The following DENND1B variants were observed in gnomAD, a reference collection of about 807,000 sequenced individuals.
The protein encoded by DENND1B is DENN domain containing 1B, also known as DENN domain-containing protein 1B.
A neutral mutation model predicts 90.1 loss-of-function variants in DENND1B; 59 were observed. The ratio of observed to expected loss-of-function variants is 0.65; its 90% CI spans 0.53 to 0.81. The LOEUF (loss-of-function observed/expected upper bound fraction) is 0.81. DENND1B is among the 40% of genes least tolerant of loss of function. The pLI is 0.00. For synonymous variants in DENND1B, 337 were observed against 324.6 expected, an observed-to-expected ratio of 1.04 and a Z score of -0.41; for missense variants, 862 against 912.6, an observed-to-expected ratio of 0.94 and a Z score of 0.71.
intron 10 of DENND1B, among the ~76,000 whole-genome samples, chr1:197,624,515 T>C (rs1678472396): frequency 6.6e-6 from 1 of 151,816 alleles, no homozygotes. Context: ...GGCTTGGCAA[T>C]GACTTTTAGA....
chr1:197,640,026 A>G (rs1017364261), intron 10 of DENND1B, among the ~76,000 whole-genome samples: 1 of 152,202 alleles, frequency 6.6e-6, no homozygotes, highest in African/African-American at 2.4e-5. Flanking sequence ...GAATTGTCAT[A>G]AACAGTTGAT....
At chr1:197,773,098 G>A in intron 1 of DENND1B, 166 bp from the exon 2 acceptor site, 5 of 665,762 alleles carry the variant, frequency 7.5e-6, no homozygotes, top group Non-Finnish European at 1.3e-5. Flanking sequence ...TCTCAATTGA[G>A]CAACTTAAAA....
intron 2 of DENND1B, among the ~76,000 whole-genome samples, chr1:197,762,298 G>A (rs370058743): frequency 6.0e-5 from 9 of 150,496 alleles, no homozygotes; most frequent in African/African-American, 2.0e-4. Flanking sequence ...ACGGAGTCTC[G>A]CTCTGTCGCC....
In DENND1B at chr1:197,572,248, C is replaced by T. The variant is rs538227152; in HGVS notation, c.1149+10904G>A. On this transcript the variant is annotated intron_variant, in intron 15 of 22. Coordinates refer to ENST00000620048, the MANE Select transcript of DENND1B (RefSeq NM_001195215.2). ...CTTTTCCCATGGTCTTAGCAATCAG[C>T]AGACCAGGAGAGTCTCTTCTGTGCC... Among the ~76,000 whole-genome samples the T allele has an allele frequency of 3.9e-5, 6 of 152,266 alleles. No homozygotes were observed. In the South Asian group the frequency reaches 1.2e-3, roughly 32 times the overall value.
rs1281679260 is a variant in DENND1B, at chr1:197,504,885, A to T, written c.*5575T>A. On this transcript the variant is annotated 3_prime_UTR_variant, in exon 23 of 23. Transcript: ENST00000620048. The stretch of plus-strand genomic sequence containing the variant: ...CTTTTATACACATCTTCCCAATAGT[A>T]GTCAAGTTTGGAGATGATTTATACT... The T allele has an allele frequency of 6.6e-6, 1 of 151,854 alleles. No homozygotes were observed. The highest frequency in any genetic ancestry group is 1.5e-5 in the Non-Finnish European group (1 of 67,866). 9.4% of individuals were successfully genotyped at this position (151,854 alleles called of 1,614,324 possible). A position where few individuals can be genotyped will look rare whatever the true frequency, so the allele number is the denominator to read the frequency against.
At chr1:197,617,588 T>A in intron 11 of DENND1B, 71 bp downstream of exon 11, 1 of 1,091,810 alleles carries the variant, frequency 9.2e-7, no homozygotes, top group South Asian at 1.3e-5. Flanking sequence ...CAAGTTTACC[T>A]AGTTCACAAA....
intron 3 of DENND1B, among the ~76,000 whole-genome samples, chr1:197,681,555 G>T (rs564255237): frequency 1.3e-5 from 2 of 152,252 alleles, no homozygotes; most frequent in Non-Finnish European, 2.9e-5. Flanking sequence ...GTATTTATTG[G>T]TCTCATCTAC....
In DENND1B at chr1:197,597,765, A is replaced by G. The variant is rs924438874; in HGVS notation, c.922-2432T>C. Among the ~76,000 whole-genome samples, 29 of 151,988 alleles carry G rather than the reference A, an allele frequency of 1.9e-4. 1 individual carries two copies. Among genetic ancestry groups the G allele is most frequent in the African/African-American group, 6.0e-4 (25 of 41,530 alleles). On this transcript the variant is annotated intron_variant, in intron 13 of 22. Transcript: ENST00000620048. ...GCTCCTGAGATCCCTGTGGATGTGT[A>G]GAAAATAGGAAAAGAATGTACCTGT...
In DENND1B at chr1:197,775,287, C is replaced by T. The variant is rs867566234; in HGVS notation, c.-132G>A. ...ACACAGGGAAAGAGGCTGCTCACAG[C>T]AGCCGTGGCGGCGGGCCCATGTCGG... On this transcript the variant is annotated 5_prime_UTR_variant, in exon 1 of 23. Transcript: ENST00000620048. The T allele has an allele frequency of 1.5e-6, 1 of 687,352 alleles. No individual in the cohort carries two copies. Among genetic ancestry groups the T allele is most frequent in the Non-Finnish European group, 2.0e-6 (1 of 491,662 alleles). 42.6% of individuals were successfully genotyped at this position (687,352 alleles called of 1,614,324 possible). A position where few individuals can be genotyped will look rare whatever the true frequency, so the allele number is the denominator to read the frequency against.
intron 2 of DENND1B, among the ~76,000 whole-genome samples, chr1:197,755,706 C>G (rs1654192670): frequency 6.6e-6 from 1 of 152,178 alleles, no homozygotes; most frequent in African/African-American, 2.4e-5. Flanking sequence ...CTTAACAGTT[C>G]CACATGGCTG....
rs140473170 is a variant in DENND1B, at chr1:197,593,439, T to C, written c.1047+1769A>G. Reference sequence around the variant, plus strand: ...AAATGTAGGCAACTAAACAAATAAATTTATAACAAAATGTGATCAATAAAC... The same window carrying C: ...AAATGTAGGCAACTAAACAAATAAACTTATAACAAAATGTGATCAATAAAC... On this transcript the variant is annotated intron_variant, in intron 14 of 22. Transcript: ENST00000620048. 3.6e-4 allele frequency among the ~76,000 whole-genome samples: 54 copies of C among 150,086 alleles called. No individual in the cohort carries two copies. The East Asian group carries it at 4.1e-3, about 11-fold the overall frequency.
chr1:197,569,930 G>A lies in DENND1B; in HGVS notation c.1149+13222C>T, dbSNP rs573406810. On this transcript the variant is annotated intron_variant, in intron 15 of 22. Transcript: ENST00000620048. ...ATTGCTAGGAGAGTAGATTTTAAAC[G>A]TTCTCGCCACAAAAAATGTTAATTA... 6.6e-5 allele frequency among the ~76,000 whole-genome samples: 10 copies of A among 152,060 alleles called. 1 individual carries two copies. The South Asian group carries it at 1.2e-3, about 19-fold the overall frequency.
chr1:197,760,656 A>G (rs1461277660), intron 2 of DENND1B, among the ~76,000 whole-genome samples: 1 of 151,928 alleles, frequency 6.6e-6, no homozygotes, highest in African/African-American at 2.4e-5. Context: ...AAAAAAAAAA[A>G]AAAATTACCC....
intron 20 of DENND1B, among the ~76,000 whole-genome samples, chr1:197,516,936 T>G (rs1170831257): frequency 6.6e-6 from 1 of 151,858 alleles, no homozygotes; most frequent in East Asian, 1.9e-4. Flanking sequence ...CCAGCTCAAA[T>G]GTAGCCTCTG....
chr1:197,734,371 CATGA>C lies in DENND1B; in HGVS notation c.83-19301_83-19298del, dbSNP rs1160191487. On this transcript the variant is annotated intron_variant, in intron 2 of 22. Coordinates refer to ENST00000620048, the MANE Select transcript of DENND1B (RefSeq NM_001195215.2). ...AAGTATATTAAGTTATGGTTGAGTTCATGAATATTTACAAGGGGCTTTGGGGACT... is the reference window on the plus strand; with the variant it reads ...AAGTATATTAAGTTATGGTTGAGTTCATATTTACAAGGGGCTTTGGGGACT... The C allele has an allele frequency of 2.9e-5, 28 of 981,784 alleles. No homozygotes were observed. The East Asian group carries it at 3.1e-3, about 108-fold the overall frequency. 60.8% of individuals were successfully genotyped at this position (981,784 alleles called of 1,614,324 possible). A position where few individuals can be genotyped will look rare whatever the true frequency, so the allele number is the denominator to read the frequency against.
intron 12 of DENND1B, among the ~76,000 whole-genome samples, chr1:197,610,257 T>C (rs2125845051): frequency 6.6e-6 from 1 of 150,868 alleles, no homozygotes; most frequent in African/African-American, 2.4e-5. Context: ...AAAGTTAGAA[T>C]GGATTATTCT....
intron 5 of DENND1B, among the ~76,000 whole-genome samples, chr1:197,670,438 G>T (rs957980114): frequency 3.0e-5 from 1 of 32,870 alleles, no homozygotes; most frequent in African/African-American, 1.3e-4. Flanking sequence ...AAGGTGGGGG[G>T]AAGACTGTGT....
At chr1:197,579,640 C>A (rs1470374987) in intron 15 of DENND1B, among the ~76,000 whole-genome samples, 5 of 152,158 alleles carry the variant, frequency 3.3e-5, no homozygotes, top group Non-Finnish European at 4.4e-5. Context: ...CCTATTAGAA[C>A]TGACTATATG....
chr1:197,523,390 C>G (rs1668911056), intron 20 of DENND1B, among the ~76,000 whole-genome samples: 1 of 152,128 alleles, frequency 6.6e-6, no homozygotes, highest in Admixed American at 6.6e-5. Flanking sequence ...GGAAGTTTCT[C>G]TGCCATGAAA....
Sources: gnomAD v4.1 joint callset for allele counts (sites outside exome capture counted in the v4.1 genomes callset) on GRCh38, gnomAD v4.1.1 for gene constraint, MANE v1.5 for transcripts, NCBI Gene and HGNC (gene_info 2026-07-23, HGNC 2026-07-21) for gene names.